KCNQ1: variants seen among roughly 807,000 people sequenced by gnomAD.
The protein encoded by KCNQ1 is potassium voltage-gated channel subfamily Q member 1.
Under a neutral mutation model 72.4 loss-of-function variants are expected in KCNQ1, and 49 were observed. That is an observed-to-expected ratio of 0.68 (90% CI 0.54 to 0.86). KCNQ1 has a LOEUF of 0.86. Among genes scored for constraint, KCNQ1 ranks in the 40% least tolerant of loss-of-function variants. The pLI, the probability that KCNQ1 is intolerant of heterozygous loss-of-function variation, is 0.00. For synonymous variants in KCNQ1, 450 were observed against 412.6 expected (o/e 1.09, Z -1.10); for missense variants, 790 against 945.1 (o/e 0.84, Z 2.15).
rs1053670694 is a variant in KCNQ1 at position 2,565,927 on chromosome 11, C to T, written c.478-4701C>T. ...GGTCCTGGTGGCTCTTGTGCCTGCACCCGCCTTGGGGCCATCTGACACCCA... is the reference window on the plus strand; with the variant it reads ...GGTCCTGGTGGCTCTTGTGCCTGCATCCGCCTTGGGGCCATCTGACACCCA... On this transcript the variant is annotated intron_variant, in intron 2 of 15. Transcript: ENST00000155840. This position sits in a 1 kb window ranked among gnomAD's most constrained non-coding sequence, Gnocchi z 5.6. Among the ~76,000 whole-genome samples the T allele has an allele frequency of 2.0e-5, 3 of 152,166 alleles. No homozygotes were observed. Among genetic ancestry groups the T allele is most frequent in the Non-Finnish European group, 4.4e-5 (3 of 68,030 alleles).
In KCNQ1 at chr11:2,734,319, C is replaced by G. The variant is rs1845915889; in HGVS notation, c.1515-34525C>G. ...GCCAAAAGGCGCCTAGAAGGCTGGA[C>G]TTTCCGTGAGGTGGCGGGGAGCACC... On this transcript the variant is annotated intron_variant, in intron 11 of 15. Coordinates refer to ENST00000155840, the MANE Select transcript of KCNQ1 (RefSeq NM_000218.3). This position sits in a 1 kb window ranked among gnomAD's most constrained non-coding sequence, Gnocchi z 7.0. Among the ~76,000 whole-genome samples the G allele has an allele frequency of 6.6e-6, 1 of 152,260 alleles. No homozygotes were observed. Among genetic ancestry groups the G allele is most frequent in the African/African-American group, 2.4e-5 (1 of 41,476 alleles).
intron 1 of KCNQ1, among the ~76,000 whole-genome samples, chr11:2,501,453 G>A (rs1372188326): frequency 6.6e-6 from 1 of 151,962 alleles, no homozygotes; most frequent in African/African-American, 2.4e-5. Context: ...TCCTAGACAT[G>A]TGCAACCTAC....
rs185988348 is a variant in KCNQ1, at chr11:2,446,399, G to A, written c.386+915G>A. Among the ~76,000 whole-genome samples the A allele has an allele frequency of 2.8e-3, 424 of 152,298 alleles. 5 individuals are homozygous for A. Among genetic ancestry groups the A allele is most frequent in the African/African-American group, 9.7e-3 (404 of 41,562 alleles). ...GGAGCCTCTACCCAGACATCCCATGGCTGATGGCTGTGGGGCTCACCTGAG... is the reference window on the plus strand; with the variant it reads ...GGAGCCTCTACCCAGACATCCCATGACTGATGGCTGTGGGGCTCACCTGAG... On this transcript the variant is annotated intron_variant, in intron 1 of 15. Coordinates refer to ENST00000155840, the MANE Select transcript of KCNQ1 (RefSeq NM_000218.3). This position sits in a 1 kb window ranked among gnomAD's most constrained non-coding sequence, Gnocchi z 8.8.
rs1180808080 is a variant in KCNQ1 at position 2,651,505 on chromosome 11, A to T, written c.1394-10456A>T. 1.5e-5 allele frequency: 6 copies of T among 398,548 alleles called. No individual in the cohort carries two copies. Among genetic ancestry groups the T allele is most frequent in the Non-Finnish European group, 2.7e-5 (6 of 226,126 alleles). 24.7% of individuals were successfully genotyped at this position (398,548 alleles called of 1,614,324 possible). ...CTTGCATTAAGAAGCTGTCAGTGTG[A>T]AGAACGTGAATGCTAAGGGCATATG... On this transcript the variant is annotated intron_variant, in intron 10 of 15. Transcript: ENST00000155840. The surrounding 1 kb of genome is among the most constrained non-coding windows in gnomAD (Gnocchi z 6.1).
chr11:2,771,305 C>T lies in KCNQ1; in HGVS notation c.1590+2386C>T, dbSNP rs75484666. 5.3e-3 allele frequency: 813 copies of T among 152,446 alleles called. 8 individuals are homozygous for T. The highest frequency in any genetic ancestry group is 0.01 in the Middle Eastern group (3 of 296). 9.4% of individuals were successfully genotyped at this position (152,446 alleles called of 1,614,324 possible). A position where few individuals can be genotyped will look rare whatever the true frequency, so the allele number is the denominator to read the frequency against. ...CCCTTTCTCCATCAGCCAGGAAGGA[C>T]ACTGGCATTGAGGTTGATATCAAGG... is the stretch of plus-strand genomic sequence containing the variant. On this transcript the variant is annotated intron_variant, in intron 12 of 15. Transcript: ENST00000155840.
chr11:2,578,722 T>C (rs1218828901), intron 6 of KCNQ1, among the ~76,000 whole-genome samples: 2 of 152,204 alleles, frequency 1.3e-5, no homozygotes, highest in Non-Finnish European at 2.9e-5. Context: ...GGTGCTGCGC[T>C]CTCCTGACTC....
In KCNQ1 at chr11:2,651,360, T is replaced by C. The variant is rs901428651; in HGVS notation, c.1394-10601T>C. The C allele has an allele frequency of 2.8e-5, 11 of 398,734 alleles. No individual in the cohort carries two copies. The highest frequency in any genetic ancestry group is 8.8e-5 in the Admixed American group (2 of 22,740). The allele number at this position is 398,734 out of a possible 1,614,324, so 24.7% of individuals were successfully genotyped here. ...GCGGCTGAGAGAGCTGGGGTATTTA[T>C]CTTTCACTAGTGAGTGCTGCCCCGG... On this transcript the variant is annotated intron_variant, in intron 10 of 15. Transcript: ENST00000155840. This position sits in a 1 kb window ranked among gnomAD's most constrained non-coding sequence, Gnocchi z 6.1.
In KCNQ1 at chr11:2,832,683, C is replaced by T. The variant is rs537215161; in HGVS notation, c.1795-15084C>T. ...CCCGGAGCATGTTCCCTCTGTAGCTCCCGGTAGGGCCTGTGTGGAGAAGGT... is the reference window on the plus strand; with the variant it reads ...CCCGGAGCATGTTCCCTCTGTAGCTTCCGGTAGGGCCTGTGTGGAGAAGGT... On this transcript the variant is annotated intron_variant, in intron 15 of 15. Coordinates refer to ENST00000155840, the MANE Select transcript of KCNQ1 (RefSeq NM_000218.3). Among the ~76,000 whole-genome samples the T allele has an allele frequency of 4.6e-5, 7 of 152,314 alleles. No homozygotes were observed. In the South Asian group the frequency reaches 1.4e-3, roughly 32 times the overall value.
intron 9 of KCNQ1, 81 bp downstream of exon 9, chr11:2,587,773 G>A: frequency 6.3e-7 from 1 of 1,592,526 alleles, no homozygotes. Context: ...ACGAGGCTGG[G>A]ATCTCACCAT....
chr11:2,630,499 T>G, intron 10 of KCNQ1: 2 of 398,410 alleles, frequency 5.0e-6, no homozygotes, highest in Non-Finnish European at 8.9e-6. Flanking sequence ...CTACATTTTA[T>G]TTTTGATGCC....
Position 2,475,758 on chromosome 11 carries a change from C to T in KCNQ1, c.386+30274C>T, listed in dbSNP as rs560079965. Among the ~76,000 whole-genome samples the T allele has an allele frequency of 2.6e-5, 4 of 152,088 alleles. No homozygotes were observed. The highest frequency in any genetic ancestry group is 4.8e-5 in the African/African-American group (2 of 41,396). On this transcript the variant is annotated intron_variant, in intron 1 of 15. Coordinates refer to ENST00000155840, the MANE Select transcript of KCNQ1 (RefSeq NM_000218.3). This position sits in a 1 kb window ranked among gnomAD's most constrained non-coding sequence, Gnocchi z 5.8. ...GGACGAGTCTTTCCTGTGCTGTTCT[C>T]GTAATAGTGAATACGTCTCATAAGA...
In KCNQ1 at chr11:2,796,417, G is replaced by A. The variant is rs146187059; in HGVS notation, c.1794+18380G>A. 2.0e-3 allele frequency among the ~76,000 whole-genome samples: 298 copies of A among 152,316 alleles called. 1 individual carries two copies. Among genetic ancestry groups the A allele is most frequent in the African/African-American group, 6.8e-3 (284 of 41,570 alleles). On this transcript the variant is annotated intron_variant, in intron 15 of 15. Coordinates refer to ENST00000155840, the MANE Select transcript of KCNQ1 (RefSeq NM_000218.3). ...GGCAGGGTGGCAGGAAGCACCCATC[G>A]CTTTCCTCTCCCGGATCTTCCCAGC...
chr11:2,726,525 C>G (rs911875720), intron 11 of KCNQ1, among the ~76,000 whole-genome samples: 2 of 152,202 alleles, frequency 1.3e-5, no homozygotes, highest in Non-Finnish European at 2.9e-5. Flanking sequence ...TCCCCCACCC[C>G]ACCCCTGCCC....
In KCNQ1 at chr11:2,463,997, G is replaced by T. The variant is rs1446694269; in HGVS notation, c.386+18513G>T. ...TGGTTTGATAACCGTGGACCGGGGT[G>T]ACAGGCCCTGACTCTGCAGAGCAGG... is the stretch of plus-strand genomic sequence containing the variant. On this transcript the variant is annotated intron_variant, in intron 1 of 15. Transcript: ENST00000155840. This position sits in a 1 kb window ranked among gnomAD's most constrained non-coding sequence, Gnocchi z 7.0. 6.6e-6 allele frequency among the ~76,000 whole-genome samples: 1 copy of T among 152,242 alleles called. No individual in the cohort carries two copies. Among genetic ancestry groups the T allele is most frequent in the East Asian group, 1.9e-4 (1 of 5,196 alleles).
intron 1 of KCNQ1, among the ~76,000 whole-genome samples, chr11:2,500,264 A>G (rs934744528): frequency 6.6e-6 from 1 of 152,262 alleles, no homozygotes; most frequent in Admixed American, 6.5e-5. Context: ...GCCAAAAAAC[A>G]TATGAAAATG....
chr11:2,715,033 C>T lies in KCNQ1; in HGVS notation c.1514+52952C>T, dbSNP rs935079089. ...TCCAGGGTGCAGCTGGGCAGATTGC[C>T]GGTGGTTGGTGCTGGTGAGGAGTAG... On this transcript the variant is annotated intron_variant, in intron 11 of 15. Coordinates refer to ENST00000155840, the MANE Select transcript of KCNQ1 (RefSeq NM_000218.3). The surrounding 1 kb of genome is among the most constrained non-coding windows in gnomAD (Gnocchi z 4.9). Among the ~76,000 whole-genome samples, 4 of 152,014 alleles carry T rather than the reference C, an allele frequency of 2.6e-5. No individual in the cohort carries two copies. Among genetic ancestry groups the T allele is most frequent in the South Asian group, 4.2e-4 (2 of 4,816 alleles).
At chr11:2,531,121 CGAAGCCTGGA>C (rs773969459) in intron 2 of KCNQ1, among the ~76,000 whole-genome samples, 3 of 152,262 alleles carry the variant, frequency 2.0e-5, no homozygotes, top group South Asian at 4.2e-4. Context: ...GCTGGGAGGG[CGAAGCCTGGA>C]GAAGCCTGCA....
At chr11:2,829,623 G>A (rs1847902496) in intron 15 of KCNQ1, among the ~76,000 whole-genome samples, 1 of 152,130 alleles carries the variant, frequency 6.6e-6, no homozygotes, top group African/African-American at 2.4e-5. Context: ...GAGTGGGGAG[G>A]GCAGGGGCAT....
intron 2 of KCNQ1, among the ~76,000 whole-genome samples, chr11:2,529,258 C>T (rs1408622334): frequency 7.2e-5 from 11 of 152,182 alleles, no homozygotes; most frequent in Admixed American, 7.2e-4. Context: ...GCCCTACTGA[C>T]TTGGTGGTCC....
Sources: gnomAD v4.1 joint callset for allele counts (sites outside exome capture counted in the v4.1 genomes callset) on GRCh38, gnomAD v4.1.1 for gene constraint, Gnocchi (gnomAD v3.1) non-coding constraint, MANE v1.5 for transcripts, NCBI Gene and HGNC (gene_info 2026-07-23, HGNC 2026-07-21) for gene names.